Variants in DCN observed in about 807,000 individuals in gnomAD.
DCN encodes the protein decorin.
Under a neutral mutation model 36.5 loss-of-function variants are expected in DCN, and 17 were observed. The observed-to-expected ratio is 0.47, with a 90% CI of 0.32 to 0.70. The LOEUF (loss-of-function observed/expected upper bound fraction) is 0.70. Among genes scored for constraint, DCN ranks in the 30% least tolerant of loss-of-function variants. The probability of loss-of-function intolerance (pLI) is 0.04; values close to 1 mark genes in which losing one functional copy is unlikely to be tolerated. For missense variants in DCN, 389 were observed against 430.1 expected, an observed-to-expected ratio of 0.90 and a Z score of 0.84; for synonymous variants, 163 against 161.4, an observed-to-expected ratio of 1.01 and a Z score of -0.07.
intron 2 of DCN, among the ~76,000 whole-genome samples, chr12:91,173,970 T>C (rs965997835): frequency 6.6e-6 from 1 of 152,204 alleles, no homozygotes. Flanking sequence ...TTTTTAAAAA[T>C]TAAAACATTA....
intron 4 of DCN, among the ~76,000 whole-genome samples, chr12:91,157,736 C>T (rs193069770): frequency 6.6e-6 from 1 of 151,996 alleles, no homozygotes; most frequent in African/African-American, 2.4e-5. Context: ...TCACGCCATT[C>T]TCCTGCCTCA....
chr12:91,159,792 G>C, intron 3 of DCN, among the ~76,000 whole-genome samples: 1 of 151,692 alleles, frequency 6.6e-6, no homozygotes, highest in East Asian at 1.9e-4. Flanking sequence ...AAACCACATG[G>C]TTTTATTATT....
In DCN at chr12:91,169,378, C is replaced by CTAAAAAAAAAAAAAAAAAAA. The variant is rs71097880; in HGVS notation, c.212-4662_212-4661insTTTTTTTTTTTTTTTTTTTA. 8.2e-5 allele frequency among the ~76,000 whole-genome samples: 6 copies of CTAAAAAAAAAAAAAAAAAAA among 73,380 alleles called. 2 individuals are homozygous for CTAAAAAAAAAAAAAAAAAAA. Among genetic ancestry groups the CTAAAAAAAAAAAAAAAAAAA allele is most frequent in the Non-Finnish European group, 9.7e-5 (4 of 41,290 alleles). The allele number at this position is 73,380 out of a possible 152,430, so 48.1% of individuals were successfully genotyped here. On this transcript the variant is annotated intron_variant, in intron 2 of 7. Transcript: ENST00000052754. ...CCTAGGCAACAGGGGGAGATCCTGT[C>CTAAAAAAAAAAAAAAAAAAA]AAAAAAAAAAAAAAAAAAAAAAACC...
Position 91,157,117 on chromosome 12 carries a change from A to T in DCN, c.610T>A (p.Tyr204Asn), listed in dbSNP as rs775805766. ...GAFQGMKKLS[Y>N]IRIADTNITS... Reference sequence around the variant, plus strand: ...ATATTGGTATCAGCAATGCGGATGTAGGAGAGCTTCTTCATTCCCTGGAAA... The same window carrying T: ...ATATTGGTATCAGCAATGCGGATGTTGGAGAGCTTCTTCATTCCCTGGAAA... Residue 204 changes from tyrosine to asparagine, a missense_variant, in exon 5 of 8, where the codon TAC becomes AAC. Physicochemically the swap from Tyr to Asn is moderately radical, Grantham distance 143. Transcript: ENST00000052754. 6.2e-7 allele frequency: 1 copy of T among 1,613,380 alleles called. No homozygotes were observed. The highest frequency in any genetic ancestry group is 8.5e-7 in the Non-Finnish European group (1 of 1,179,370).
intron 2 of DCN, among the ~76,000 whole-genome samples, chr12:91,170,081 A>G (rs1882861497): frequency 6.6e-6 from 1 of 151,832 alleles, no homozygotes; most frequent in African/African-American, 2.4e-5. Context: ...AAAAAAAAGA[A>G]AAAGAAAATT....
At chr12:91,151,149 A>G in intron 7 of DCN, 1 of 165,804 alleles carries the variant, frequency 6.0e-6, no homozygotes, top group South Asian at 1.5e-4. Flanking sequence ...CCACCATGGC[A>G]CACGTATACC....
intron 7 of DCN, among the ~76,000 whole-genome samples, chr12:91,146,562 C>T: frequency 6.6e-6 from 1 of 151,876 alleles, no homozygotes; most frequent in Non-Finnish European, 1.5e-5. Context: ...CCATGTTGGC[C>T]AGGCTGGTCT....
At chr12:91,178,267 T>C (rs1883414818) in intron 2 of DCN, 75 bp downstream of exon 2, 5 of 1,307,530 alleles carry the variant, frequency 3.8e-6, no homozygotes, top group Non-Finnish European at 5.5e-6. Flanking sequence ...AAACTGAAAA[T>C]GCTAAACTCT....
intron 6 of DCN, among the ~76,000 whole-genome samples, chr12:91,152,311 A>ATG (rs1374825115): frequency 2.0e-5 from 3 of 151,950 alleles, no homozygotes; most frequent in Non-Finnish European, 4.4e-5. Flanking sequence ...ATATATATAT[A>ATG]TATACACATT....
rs947238297 is a variant in DCN, at chr12:91,141,367, C to T, written c.*4691G>A. 9.2e-5 allele frequency: 14 copies of T among 152,372 alleles called. No individual in the cohort carries two copies. Among genetic ancestry groups the T allele is most frequent in the African/African-American group, 2.9e-4 (12 of 41,562 alleles). The allele number at this position is 152,372 out of a possible 1,614,324, so 9.4% of individuals were successfully genotyped here. On this transcript the variant is annotated 3_prime_UTR_variant, in exon 8 of 8. Transcript: ENST00000052754. The stretch of plus-strand genomic sequence containing the variant: ...AGGGCCTCTTTTCTTGGCTTGCTCC[C>T]TTCAGTTCTTCATCTCCCTGCTCAA...
chr12:91,154,046 G>T (rs887052334), intron 5 of DCN, among the ~76,000 whole-genome samples: 11 of 152,060 alleles, frequency 7.2e-5, no homozygotes, highest in Non-Finnish European at 1.3e-4. Context: ...TAGCAAATTG[G>T]TTAAGTGTAG....
At chr12:91,161,579 G>C (rs1376749204) in intron 3 of DCN, among the ~76,000 whole-genome samples, 1 of 152,170 alleles carries the variant, frequency 6.6e-6, no homozygotes, top group Non-Finnish European at 1.5e-5. Context: ...TGAAGTGAGG[G>C]GGAGTTGGTG....
rs562478664 is a variant in DCN, at chr12:91,175,888, T to C, written c.211+2454A>G. The C allele has an allele frequency of 5.3e-5, 8 of 152,274 alleles. No individual in the cohort carries two copies. The East Asian group carries it at 1.5e-3, about 29-fold the overall frequency. 9.4% of individuals were successfully genotyped at this position (152,274 alleles called of 1,614,324 possible). A position where few individuals can be genotyped will look rare whatever the true frequency, so the allele number is the denominator to read the frequency against. ...GCATTTCTCCTGCTTTCTTTCTTTT[T>C]TTCTTCATCTGTTACTGCATATAAT... On this transcript the variant is annotated intron_variant, in intron 2 of 7. Transcript: ENST00000052754.
At chr12:91,146,694 A>T (rs1051187258) in intron 7 of DCN, among the ~76,000 whole-genome samples, 5 of 151,772 alleles carry the variant, frequency 3.3e-5, no homozygotes, top group Admixed American at 1.3e-4. Flanking sequence ...TAAACTTTTG[A>T]TTTCTCCCTT....
chr12:91,164,809 T>A, intron 2 of DCN, 92 bp from the exon 3 acceptor site: 1 of 749,018 alleles, frequency 1.3e-6, no homozygotes, highest in Non-Finnish European at 2.5e-6. Flanking sequence ...ATTAATGTTA[T>A]GATGATCATC....
chr12:91,156,574 C>A (rs1881785411), intron 5 of DCN, among the ~76,000 whole-genome samples: 2 of 151,948 alleles, frequency 1.3e-5, no homozygotes, highest in South Asian at 4.1e-4. Context: ...TCACAACACA[C>A]AACTACCACT....
At position 91,146,094 on chromosome 12, in the gene DCN, G is replaced by A. The variant is rs1880991329; in HGVS notation, c.1044C>T (p.Tyr348=). The change falls in exon 8 of 8, where the codon TAC becomes TAT. Residue 348 remains tyrosine, a synonymous_variant. Coordinates refer to ENST00000052754, the MANE Select transcript of DCN (RefSeq NM_001920.5). ...EIQPSTFRCV[Y]VRSAIQLGNY... is the part of the protein sequence containing the mutation. ...TTCCGAGTTGAATGGCAGAGCGCAC[G>A]TAGACACATCTGAAGGTGGATGGCT... The A allele has an allele frequency of 3.7e-6, 6 of 1,613,898 alleles. No individual in the cohort carries two copies. Among genetic ancestry groups the A allele is most frequent in the South Asian group, 2.2e-5 (2 of 91,070 alleles).
chr12:91,155,400 G>A (rs1044367670), intron 5 of DCN, among the ~76,000 whole-genome samples: 8 of 151,998 alleles, frequency 5.3e-5, no homozygotes, highest in Admixed American at 2.0e-4. Flanking sequence ...TCTATTAAGC[G>A]GTAGTAAATA....
intron 1 of DCN, 35 bp from the exon 2 acceptor site, chr12:91,178,620 A>T: frequency 7.6e-7 from 1 of 1,309,276 alleles, no homozygotes; most frequent in South Asian, 1.2e-5. Flanking sequence ...GAAGAGTAGC[A>T]CTGCCTAATC....
Sources: allele counts gnomAD v4.1 joint callset (sites outside exome capture counted in the v4.1 genomes callset), GRCh38; gene constraint gnomAD v4.1.1; transcripts MANE v1.5; gene names NCBI Gene and HGNC (gene_info 2026-07-23, HGNC 2026-07-21).